The following ASAP1 variants were observed in gnomAD, a reference collection of about 807,000 sequenced individuals.
The protein encoded by ASAP1 is ArfGAP with SH3 domain, ankyrin repeat and PH domain 1.
Under a neutral mutation model 145.2 loss-of-function variants are expected in ASAP1, and 43 were observed. The observed-to-expected ratio is 0.30, with a 90% CI of 0.23 to 0.38. The LOEUF is 0.38. Among genes scored for constraint, ASAP1 ranks in the 10% least tolerant of loss-of-function variants. The pLI, the probability that ASAP1 is intolerant of heterozygous loss-of-function variation, is 1.00. For synonymous variants in ASAP1, 546 were observed against 515.5 expected, an observed-to-expected ratio of 1.06 and a Z score of -0.80; for missense variants, 1,018 against 1,355.3, an observed-to-expected ratio of 0.75 and a Z score of 3.91.
chr8:130,204,119 C>T (rs1402437136), intron 5 of ASAP1, among the ~76,000 whole-genome samples: 2 of 152,092 alleles, frequency 1.3e-5, no homozygotes, highest in East Asian at 1.9e-4. Flanking sequence ...GGCTATTGAG[C>T]GAAGCTGAGT....
intron 10 of ASAP1, 95 bp from the exon 11 acceptor site, chr8:130,167,717 T>C (rs1018344114): frequency 2.2e-5 from 20 of 898,522 alleles, no homozygotes; most frequent in African/African-American, 1.5e-4. Flanking sequence ...AATTCTATTA[T>C]ATATTTGGTT....
At chr8:130,361,824 G>T in intron 2 of ASAP1, 3 of 1,308,090 alleles carry the variant, frequency 2.3e-6, no homozygotes, top group Non-Finnish European at 3.2e-6. Flanking sequence ...GGATTTCTTT[G>T]TGTGGAGCTG....
At chr8:130,368,476 G>C (rs186739944) in intron 2 of ASAP1, among the ~76,000 whole-genome samples, 308 of 152,260 alleles carry the variant, frequency 2.0e-3, no homozygotes, top group Middle Eastern at 3.4e-3. Flanking sequence ...CCTGACTCCA[G>C]GTAATTTTCT....
At chr8:130,386,067 T>G (rs1483421822) in intron 2 of ASAP1, among the ~76,000 whole-genome samples, 5 of 152,202 alleles carry the variant, frequency 3.3e-5, no homozygotes, top group Admixed American at 3.3e-4. Flanking sequence ...CAAAATCTTC[T>G]GGGAAGAAGA....
intron 6 of ASAP1, among the ~76,000 whole-genome samples, chr8:130,187,843 T>C (rs1174888865): frequency 6.6e-6 from 1 of 152,198 alleles, no homozygotes; most frequent in Non-Finnish European, 1.5e-5. Flanking sequence ...GTGGTCACAC[T>C]GTGGGAGCCA....
chr8:130,288,229 A>G (rs1312182934), intron 3 of ASAP1, among the ~76,000 whole-genome samples: 1 of 152,126 alleles, frequency 6.6e-6, no homozygotes, highest in African/African-American at 2.4e-5. Context: ...GATAAAGCTG[A>G]GGCTTTTAAT....
At chr8:130,113,651 CAGTG>C (rs2097550130) in intron 23 of ASAP1, among the ~76,000 whole-genome samples, 1 of 152,172 alleles carries the variant, frequency 6.6e-6, no homozygotes, top group South Asian at 2.1e-4. Context: ...AAGGAAAACT[CAGTG>C]AGAACTGGGT....
At chr8:130,116,627 C>A in intron 22 of ASAP1, 51 bp downstream of exon 22, 1 of 1,513,806 alleles carries the variant, frequency 6.6e-7, no homozygotes, top group Non-Finnish European at 9.1e-7. Flanking sequence ...CAGAATGACA[C>A]TTTTAAGGCA....
chr8:130,175,698 CTTACT>C (rs1813904532), intron 9 of ASAP1, among the ~76,000 whole-genome samples: 1 of 152,164 alleles, frequency 6.6e-6, no homozygotes, highest in South Asian at 2.1e-4. Flanking sequence ...GTTTCCTGTG[CTTACT>C]TTGTCTGCTT....
chr8:130,318,573 A>T (rs902572453), intron 3 of ASAP1, among the ~76,000 whole-genome samples: 1 of 152,242 alleles, frequency 6.6e-6, no homozygotes, highest in African/African-American at 2.4e-5. Context: ...CAAATGACAC[A>T]GCGAATTAAA....
At chr8:130,381,134 C>A (rs61578845) in intron 2 of ASAP1, among the ~76,000 whole-genome samples, 1,641 of 152,270 alleles carry the variant, frequency 0.011, 25 homozygotes, top group African/African-American at 0.038. Flanking sequence ...GATCCACCTG[C>A]CTCAGCCTCC....
intron 5 of ASAP1, among the ~76,000 whole-genome samples, chr8:130,197,631 G>A (rs1815590173): frequency 6.6e-5 from 10 of 152,194 alleles, no homozygotes; most frequent in Non-Finnish European, 1.5e-5. Flanking sequence ...CAGGCAAAAT[G>A]CCTGACACTA....
chr8:130,157,044 ATATT>A (rs1462736705), intron 12 of ASAP1, among the ~76,000 whole-genome samples: 1 of 152,238 alleles, frequency 6.6e-6, no homozygotes, highest in African/African-American at 2.4e-5. Flanking sequence ...ATGGAACACA[ATATT>A]AACTTTTCGT....
chr8:130,054,553 C>T lies in ASAP1; in HGVS notation c.*178G>A. The T allele has an allele frequency of 3.6e-6, 2 of 560,808 alleles. No homozygotes were observed. The highest frequency in any genetic ancestry group is 3.9e-5 in the South Asian group (2 of 50,860). 34.7% of individuals were successfully genotyped at this position (560,808 alleles called of 1,614,324 possible). A position where few individuals can be genotyped will look rare whatever the true frequency, so the allele number is the denominator to read the frequency against. ...CGCCGGGTCCGAGGCTACCCTCATA[C>T]TGGTGAAGGCAGAAAACCACAGGAT... On this transcript the variant is annotated 3_prime_UTR_variant, in exon 30 of 30. Transcript: ENST00000518721.
intron 4 of ASAP1, among the ~76,000 whole-genome samples, chr8:130,233,480 C>T (rs1371948689): frequency 3.3e-5 from 5 of 152,160 alleles, no homozygotes; most frequent in Non-Finnish European, 5.9e-5. Context: ...TTCTGTCTCT[C>T]TAAGCTTCAG....
At chr8:130,215,648 G>T (rs759895709) in intron 4 of ASAP1, among the ~76,000 whole-genome samples, 4 of 152,122 alleles carry the variant, frequency 2.6e-5, no homozygotes, top group Non-Finnish European at 4.4e-5. Context: ...GGAGGCGGAG[G>T]CAGGAGAATG....
intron 27 of ASAP1, among the ~76,000 whole-genome samples, chr8:130,074,932 G>A (rs928012793): frequency 6.6e-6 from 1 of 152,186 alleles, no homozygotes; most frequent in Non-Finnish European, 1.5e-5. Flanking sequence ...GGAGCTGAGG[G>A]AGCACATCAG....
In ASAP1 at chr8:130,086,513, G is replaced by T. The variant is rs545406126; in HGVS notation, c.2572+5460C>A. On this transcript the variant is annotated intron_variant, in intron 25 of 29. Transcript: ENST00000518721. Reference sequence around the variant, plus strand: ...CTTACAAGCCATAAACCTGTATTAAGAATTTATGGGCTGGGTGTGGTGGCT... The same window carrying T: ...CTTACAAGCCATAAACCTGTATTAATAATTTATGGGCTGGGTGTGGTGGCT... Among the ~76,000 whole-genome samples, 67 of 152,284 alleles carry T rather than the reference G, an allele frequency of 4.4e-4. No individual in the cohort carries two copies. In the South Asian group the frequency reaches 0.013, roughly 29 times the overall value.
intron 3 of ASAP1, among the ~76,000 whole-genome samples, chr8:130,345,379 C>T (rs188684252): frequency 1.5e-4 from 23 of 152,286 alleles, no homozygotes; most frequent in African/African-American, 5.1e-4. Flanking sequence ...AATGCCTCCC[C>T]GTCAACTCGA....
Sources: gnomAD v4.1 joint callset for allele counts (sites outside exome capture counted in the v4.1 genomes callset) on GRCh38, gnomAD v4.1.1 for gene constraint, MANE v1.5 for transcripts, NCBI Gene and HGNC (gene_info 2026-07-23, HGNC 2026-07-21) for gene names.